The following ANKRD29 variants were observed in gnomAD, a reference collection of about 807,000 sequenced individuals.
ANKRD29 encodes ankyrin repeat domain-containing protein 29.
In ANKRD29, 32 loss-of-function variants were observed where a neutral mutation model predicts 38.0. The ratio of observed to expected loss-of-function variants is 0.84; its 90% confidence interval spans 0.64 to 1.13. The LOEUF is 1.13. ANKRD29 is among the 50% of genes most tolerant of loss of function. ANKRD29 has a pLI of 0.00. For synonymous variants in ANKRD29, 135 were observed against 152.4 expected, an observed-to-expected ratio of 0.89 and a Z score of 0.84; for missense variants, 357 against 377.9, an observed-to-expected ratio of 0.94 and a Z score of 0.46.
At chr18:23,645,642 A>G (rs2060129399) in intron 3 of ANKRD29, among the ~76,000 whole-genome samples, 2 of 152,188 alleles carry the variant, frequency 1.3e-5, no homozygotes, top group African/African-American at 4.8e-5. Context: ...AGCAAGACCA[A>G]ACTCCCAAGA....
At chr18:23,660,722 G>A (rs931346328) in intron 1 of ANKRD29, among the ~76,000 whole-genome samples, 6 of 152,200 alleles carry the variant, frequency 3.9e-5, no homozygotes, top group African/African-American at 1.2e-4. Flanking sequence ...CAGGAGAATC[G>A]CTTGAACCCG....
intron 3 of ANKRD29, among the ~76,000 whole-genome samples, chr18:23,644,932 G>A (rs763740926): frequency 4.6e-5 from 7 of 152,170 alleles, no homozygotes; most frequent in Non-Finnish European, 8.8e-5. Context: ...TGTTACACCT[G>A]GAACTCTTGA....
chr18:23,616,580 A>ATATATATATATATACTATATATACAG (rs1568013794), intron 8 of ANKRD29, among the ~76,000 whole-genome samples: 4 of 132,656 alleles, frequency 3.0e-5, no homozygotes, highest in South Asian at 2.3e-4. Context: ...TATATACAGT[A>ATATATATATATATACTATATATACAG]TATATATATA....
chr18:23,623,123 G>C (rs1388926490), intron 6 of ANKRD29, among the ~76,000 whole-genome samples: 1 of 152,210 alleles, frequency 6.6e-6, no homozygotes, highest in East Asian at 1.9e-4. Context: ...AATTGCATCT[G>C]AGTAGTATTT....
In ANKRD29 at chr18:23,662,832, G is replaced by A; in HGVS notation, c.-102C>T. On this transcript the variant is annotated 5_prime_UTR_variant, in exon 1 of 10. Transcript: ENST00000592179. Reference sequence around the variant, plus strand: ...GGGGCTCTCGGCGTTCCGCAGAGGGGCGGCCTCCGACGCCGCGCGCTCCCG... The same window carrying A: ...GGGGCTCTCGGCGTTCCGCAGAGGGACGGCCTCCGACGCCGCGCGCTCCCG... The A allele has an allele frequency of 9.1e-7, 1 of 1,101,380 alleles. No homozygotes were observed. Among genetic ancestry groups the A allele is most frequent in the Non-Finnish European group, 1.1e-6 (1 of 890,376 alleles). 68.2% of individuals were successfully genotyped at this position (1,101,380 alleles called of 1,614,324 possible). A position where few individuals can be genotyped will look rare whatever the true frequency, so the allele number is the denominator to read the frequency against.
At chr18:23,619,907 T>C (rs2059775110) in intron 6 of ANKRD29, 2 of 422,884 alleles carry the variant, frequency 4.7e-6, no homozygotes, top group African/African-American at 2.1e-5. Context: ...ATTTTGTGGC[T>C]GGATCTTTTA....
At chr18:23,631,303 C>T (rs1259712250) in intron 5 of ANKRD29, among the ~76,000 whole-genome samples, 1 of 150,938 alleles carries the variant, frequency 6.6e-6, no homozygotes, top group African/African-American at 2.4e-5. Flanking sequence ...TGTAGTGGTA[C>T]GACCACAGCT....
At chr18:23,660,535 C>T (rs150449776) in intron 1 of ANKRD29, among the ~76,000 whole-genome samples, 2 of 152,074 alleles carry the variant, frequency 1.3e-5, no homozygotes, top group African/African-American at 2.4e-5. Flanking sequence ...GGTTGGGTGC[C>T]GTGGCTCATG....
chr18:23,603,993 C>T (rs894936969), intron 9 of ANKRD29, among the ~76,000 whole-genome samples: 1 of 152,018 alleles, frequency 6.6e-6, no homozygotes, highest in Non-Finnish European at 1.5e-5. Flanking sequence ...TAGGTGCACA[C>T]CACCATGCCC....
At chr18:23,613,296 C>A (rs956832767) in intron 8 of ANKRD29, among the ~76,000 whole-genome samples, 1 of 151,672 alleles carries the variant, frequency 6.6e-6, no homozygotes. Context: ...CCTCAGCCTC[C>A]TGAGTAGCTG....
chr18:23,647,849 G>C (rs1053721089), intron 2 of ANKRD29: 13 of 152,272 alleles, frequency 8.5e-5, no homozygotes, highest in African/African-American at 3.1e-4. Context: ...ACAGCAGCCC[G>C]AGTTCTGGCA....
At chr18:23,632,263 C>T (rs1358476002) in intron 5 of ANKRD29, among the ~76,000 whole-genome samples, 3 of 151,812 alleles carry the variant, frequency 2.0e-5, no homozygotes, top group African/African-American at 7.3e-5. Flanking sequence ...TTTTAACTCT[C>T]AGGAATTTTC....
intron 4 of ANKRD29, 25 bp downstream of exon 4, chr18:23,638,823 AT>A: frequency 6.4e-7 from 1 of 1,574,640 alleles, no homozygotes; most frequent in East Asian, 2.2e-5. Context: ...CTTCAACATA[AT>A]ACAAAATCAA....
Position 23,601,085 on chromosome 18 carries a change from CTTCT to C in ANKRD29, c.*137_*140del. On this transcript the variant is annotated 3_prime_UTR_variant, in exon 10 of 10. Transcript: ENST00000592179. ...TTGACTTCGTGCACAGAGCGTAGCT[CTTCT>C]TTGTCAGGGACCCACAGGATGGGCA... is the stretch of plus-strand genomic sequence containing the variant. 1.4e-6 allele frequency: 1 copy of C among 720,258 alleles called. No homozygotes were observed. Among genetic ancestry groups the C allele is most frequent in the Non-Finnish European group, 2.3e-6 (1 of 439,616 alleles). The allele number at this position is 720,258 out of a possible 1,614,324, so 44.6% of individuals were successfully genotyped here. A position where few individuals can be genotyped will look rare whatever the true frequency, so the allele number is the denominator to read the frequency against.
At chr18:23,662,617 A>AAACCCCCC (rs2145749555) in intron 1 of ANKRD29, 93 bp downstream of exon 1, 1 of 137,644 alleles carries the variant, frequency 7.3e-6, no homozygotes, top group African/African-American at 6.1e-5. Flanking sequence ...GGCAGCGCCC[A>AAACCCCCC]CCCCATCCCA....
intron 1 of ANKRD29, among the ~76,000 whole-genome samples, chr18:23,660,777 A>G (rs948103741): frequency 6.6e-6 from 1 of 152,234 alleles, no homozygotes; most frequent in Non-Finnish European, 1.5e-5. Flanking sequence ...ACTGCACTCT[A>G]GCCTGGGTGA....
chr18:23,618,135 C>A (rs1227224500), intron 7 of ANKRD29, among the ~76,000 whole-genome samples: 1 of 152,124 alleles, frequency 6.6e-6, no homozygotes, highest in African/African-American at 2.4e-5. Flanking sequence ...TATTTTTAGG[C>A]CATGGTTGGA....
At chr18:23,654,380 G>A (rs376820724) in intron 1 of ANKRD29, among the ~76,000 whole-genome samples, 1 of 151,818 alleles carries the variant, frequency 6.6e-6, no homozygotes, top group African/African-American at 2.4e-5. Flanking sequence ...AGCACTTTAG[G>A]AGGCTGAGGT....
At chr18:23,662,623 T>TGCCCCCCC in intron 1 of ANKRD29, 87 bp downstream of exon 1, 1 of 77,122 alleles carries the variant, frequency 1.3e-5, no homozygotes, top group East Asian at 2.2e-4. Context: ...GCCCACCCCA[T>TGCCCCCCC]CCCACCCCAT....
Sources: allele counts gnomAD v4.1 joint callset (sites outside exome capture counted in the v4.1 genomes callset), GRCh38; gene constraint gnomAD v4.1.1; transcripts MANE v1.5; gene names NCBI Gene and HGNC (gene_info 2026-07-23, HGNC 2026-07-21).